The following SUPT3H variants were observed in gnomAD, a reference collection of about 807,000 sequenced individuals.
The protein encoded by SUPT3H is transcription initiation protein SPT3 homolog.
In SUPT3H, 44 loss-of-function variants were observed where a neutral mutation model predicts 44.3. That is an observed-to-expected ratio of 0.99 (90% CI 0.78 to 1.28). SUPT3H has a LOEUF of 1.28. Ranked by LOEUF, SUPT3H falls within the 50% of genes most tolerant of loss-of-function variation. The pLI is 0.00. For missense variants in SUPT3H, 380 were observed against 387.1 expected (o/e 0.98, Z 0.15); for synonymous variants, 124 against 125.6 (o/e 0.99, Z 0.09).
At chr6:45,147,927 C>T (rs1806343380) in intron 2 of SUPT3H, among the ~76,000 whole-genome samples, 1 of 151,994 alleles carries the variant, frequency 6.6e-6, no homozygotes, top group Non-Finnish European at 1.5e-5. Flanking sequence ...AATAACTGTA[C>T]TATTTTAATA....
At chr6:45,279,959 T>C (rs967295605) in intron 2 of SUPT3H, among the ~76,000 whole-genome samples, 1 of 152,168 alleles carries the variant, frequency 6.6e-6, no homozygotes, top group African/African-American at 2.4e-5. Context: ...CTGATGACCA[T>C]TCCTATCTAT....
At chr6:45,174,771 C>T (rs754540429) in intron 2 of SUPT3H, among the ~76,000 whole-genome samples, 4 of 151,624 alleles carry the variant, frequency 2.6e-5, no homozygotes, top group African/African-American at 7.3e-5. Context: ...CATATATATA[C>T]AGAAATTCTG....
intron 2 of SUPT3H, among the ~76,000 whole-genome samples, chr6:45,169,986 C>CCA (rs1405295576): frequency 3.3e-5 from 5 of 152,064 alleles, no homozygotes; most frequent in African/African-American, 1.2e-4. Flanking sequence ...AGGGCACAGC[C>CCA]CCAGGGGGTG....
At chr6:45,045,651 C>T (rs540866761) in intron 3 of SUPT3H, among the ~76,000 whole-genome samples, 15 of 152,252 alleles carry the variant, frequency 9.9e-5, no homozygotes, top group African/African-American at 3.6e-4. Context: ...TTTCTCTTGC[C>T]TGATTGCCCT....
intron 10 of SUPT3H, among the ~76,000 whole-genome samples, chr6:44,890,675 G>A (rs1763144225): frequency 6.7e-6 from 1 of 149,646 alleles, no homozygotes; most frequent in South Asian, 2.1e-4. Context: ...GAGTTAATGG[G>A]TGCAGCACAC....
chr6:45,129,082 G>T (rs1802998793), intron 2 of SUPT3H, among the ~76,000 whole-genome samples: 1 of 152,154 alleles, frequency 6.6e-6, no homozygotes. Context: ...AGAAAAAGAT[G>T]AATATTTCCC....
intron 2 of SUPT3H, among the ~76,000 whole-genome samples, chr6:45,284,612 A>T (rs1430907900): frequency 6.6e-6 from 1 of 152,196 alleles, no homozygotes; most frequent in Non-Finnish European, 1.5e-5. Context: ...ATAGCTTACC[A>T]ACCAAAAAAA....
intron 2 of SUPT3H, among the ~76,000 whole-genome samples, chr6:45,174,935 C>T (rs747843867): frequency 1.5e-4 from 22 of 143,176 alleles, no homozygotes; most frequent in Non-Finnish European, 2.5e-4. Flanking sequence ...CCCAGCTACT[C>T]GGGAGGTCAG....
At chr6:45,028,921 A>G (rs995584749) in intron 3 of SUPT3H, among the ~76,000 whole-genome samples, 8 of 120,830 alleles carry the variant, frequency 6.6e-5, no homozygotes, top group Admixed American at 1.7e-4. Context: ...AAAAAAAAAA[A>G]GAAAGAAAGA....
At chr6:45,244,204 G>T (rs1240721462) in intron 2 of SUPT3H, among the ~76,000 whole-genome samples, 1 of 152,214 alleles carries the variant, frequency 6.6e-6, no homozygotes, top group Non-Finnish European at 1.5e-5. Context: ...TTACCATTTA[G>T]ATCAGAGATG....
intron 10 of SUPT3H, among the ~76,000 whole-genome samples, chr6:44,925,829 T>C (rs112138292): frequency 1.3e-5 from 2 of 152,186 alleles, no homozygotes; most frequent in African/African-American, 4.8e-5. Flanking sequence ...TCTAAGAATG[T>C]TTTTGTTAAA....
downstream of SUPT3H, among the ~76,000 whole-genome samples, chr6:44,823,331 G>A (rs750623423): frequency 6.6e-5 from 10 of 152,112 alleles, no homozygotes; most frequent in Non-Finnish European, 1.3e-4. Context: ...GCTATGTGCT[G>A]AGACAGGCAG....
chr6:44,947,134 A>G (rs754837591), intron 9 of SUPT3H, among the ~76,000 whole-genome samples: 4 of 152,234 alleles, frequency 2.6e-5, no homozygotes, highest in Non-Finnish European at 4.4e-5. Flanking sequence ...TTTTAGACAT[A>G]ATGCCATTGC....
intron 2 of SUPT3H, among the ~76,000 whole-genome samples, chr6:45,258,737 A>G (rs987530358): frequency 6.6e-6 from 1 of 152,218 alleles, no homozygotes; most frequent in Non-Finnish European, 1.5e-5. Flanking sequence ...GGAGCAAAGC[A>G]TTAAGTAAAA....
At chr6:44,971,580 C>G (rs762448291) in intron 6 of SUPT3H, among the ~76,000 whole-genome samples, 8 of 152,070 alleles carry the variant, frequency 5.3e-5, no homozygotes, top group Non-Finnish European at 1.0e-4. Flanking sequence ...GGGGTAACTG[C>G]CCCCCATGAT....
rs1432361470 is a variant in SUPT3H at position 44,890,229 on chromosome 6, T to C, written c.912+42424A>G. 2.0e-3 allele frequency among the ~76,000 whole-genome samples: 304 copies of C among 149,690 alleles called. 1 individual carries two copies. The highest frequency in any genetic ancestry group is 7.1e-3 in the African/African-American group (290 of 40,946). On this transcript the variant is annotated intron_variant, in intron 10 of 10. Transcript: ENST00000371459. Reference sequence around the variant, plus strand: ...TTCCTCAGGGATCTAGAACTAGAAATACCATTTGACCCAGCCATCCCATTA... The same window carrying C: ...TTCCTCAGGGATCTAGAACTAGAAACACCATTTGACCCAGCCATCCCATTA...
Position 45,126,730 on chromosome 6 carries a change from A to G in SUPT3H, c.102-20724T>C, listed in dbSNP as rs116384729. Among the ~76,000 whole-genome samples, 808 of 152,336 alleles carry G rather than the reference A, an allele frequency of 5.3e-3. 6 individuals carry two copies. Among genetic ancestry groups the G allele is most frequent in the African/African-American group, 0.018 (754 of 41,578 alleles). On this transcript the variant is annotated intron_variant, in intron 2 of 10. Transcript: ENST00000371459. ...GAATTTAGAATAAAAGATACACACT[A>G]AAAACCACTGAGGGAAATCAGGATA...
intron 6 of SUPT3H, among the ~76,000 whole-genome samples, chr6:44,966,477 C>T (rs919128616): frequency 6.6e-6 from 1 of 150,866 alleles, no homozygotes; most frequent in African/African-American, 2.4e-5. Flanking sequence ...AAAGAGTAAG[C>T]AGTTTTATTA....
intron 9 of SUPT3H, among the ~76,000 whole-genome samples, chr6:44,934,747 G>A (rs977626688): frequency 2.0e-5 from 3 of 152,154 alleles, no homozygotes; most frequent in African/African-American, 7.2e-5. Context: ...ACAAAACACT[G>A]AATTTGCCAA....
Sources: gnomAD v4.1 joint callset for allele counts (sites outside exome capture counted in the v4.1 genomes callset) on GRCh38, gnomAD v4.1.1 for gene constraint, MANE v1.5 for transcripts, NCBI Gene and HGNC (gene_info 2026-07-23, HGNC 2026-07-21) for gene names.